CPS1: variants seen among roughly 807,000 people sequenced by gnomAD.
The protein encoded by CPS1 is carbamoyl-phosphate synthase [ammonia], mitochondrial.
In CPS1, 109 loss-of-function variants were observed where a neutral mutation model predicts 174.6. The ratio of observed to expected loss-of-function variants is 0.62; its 90% CI spans 0.53 to 0.73. The LOEUF (loss-of-function observed/expected upper bound fraction) is 0.73. Among genes scored for constraint, CPS1 ranks in the 30% least tolerant of loss-of-function variants. The pLI is 0.00. For missense variants in CPS1, 1,689 were observed against 1,821.9 expected (o/e 0.93, Z 1.33); for synonymous variants, 637 against 632.0 (o/e 1.01, Z -0.12).
chr2:210,501,403 C>T (rs1329750497), intron 1 of CPS1, among the ~76,000 whole-genome samples: 1 of 152,178 alleles, frequency 6.6e-6, no homozygotes, highest in Non-Finnish European at 1.5e-5. Flanking sequence ...TTATGCTCTG[C>T]TTCCCTTTTA....
chr2:210,590,331 A>AT (rs1163768243), intron 8 of CPS1, 97 bp downstream of exon 8: 4 of 1,556,108 alleles, frequency 2.6e-6, no homozygotes. Context: ...TTATTCAGGC[A>AT]TTTTTCAATG....
In CPS1 at chr2:210,675,001, A is replaced by T; in HGVS notation, c.4161+40A>T. ...TTTAAGTTGTTTTCTGTCAGCATGG[A>T]ATCTGTCCACAAATCAAAATATTGC... is the stretch of plus-strand genomic sequence containing the variant. On this transcript the variant is annotated intron_variant, in intron 35 of 37. Coordinates refer to ENST00000233072, the MANE Select transcript of CPS1 (RefSeq NM_001875.5). 3 of 1,470,538 alleles carry T rather than the reference A, an allele frequency of 2.0e-6. No individual in the cohort carries two copies. In the Middle Eastern group the frequency reaches 5.2e-4, roughly 255 times the overall value. The allele number at this position is 1,470,538 out of a possible 1,614,324, so 91.1% of individuals were successfully genotyped here.
At chr2:210,558,326 C>G (rs1696986595) in intron 1 of CPS1, among the ~76,000 whole-genome samples, 1 of 151,886 alleles carries the variant, frequency 6.6e-6, no homozygotes, top group East Asian at 1.9e-4. Context: ...GCACTGGGAG[C>G]AGTCACTAAA....
Position 210,608,406 on chromosome 2 carries a change from A to T in CPS1, c.2238A>T (p.Pro746=). ...FIAAKIALGI[P]LPEIKNVVSG... ...CTGCAAAGATTGCCCTAGGAATCCC[A>T]CTTCCAGAAATTAAGAACGTCGTAT... The change falls in exon 19 of 38, where the codon CCA becomes CCT. Residue 746 remains proline (P), a synonymous_variant. Transcript: ENST00000233072. The T allele has an allele frequency of 6.2e-7, 1 of 1,612,410 alleles. No individual in the cohort carries two copies. Among genetic ancestry groups the T allele is most frequent in the Non-Finnish European group, 8.5e-7 (1 of 1,178,918 alleles).
intron 21 of CPS1, among the ~76,000 whole-genome samples, chr2:210,617,205 G>A (rs527781160): frequency 1.3e-5 from 2 of 152,090 alleles, no homozygotes; most frequent in Middle Eastern, 3.4e-3. Context: ...AACTGCTGGG[G>A]CACCTTAGGC....
intron 21 of CPS1, among the ~76,000 whole-genome samples, chr2:210,632,269 G>T (rs1490815334): frequency 6.6e-6 from 1 of 152,226 alleles, no homozygotes; most frequent in Non-Finnish European, 1.5e-5. Flanking sequence ...GGCAGATAAA[G>T]ATGAGGAACA....
rs2302908 is a variant in CPS1 at position 210,639,012 on chromosome 2, C to T, written c.2830-138C>T. The T allele has an allele frequency of 0.13, 90,801 of 675,430 alleles. 12,981 individuals are homozygous for T. The highest frequency in any genetic ancestry group is 0.59 in the African/African-American group (32,679 of 55,060). The allele number at this position is 675,430 out of a possible 1,614,324, so 41.8% of individuals were successfully genotyped here. ...TTTTCAGAATTAGAAAGCAATTCCA[C>T]GGGTCATACATTTTCCTGTTTGCAT... On this transcript the variant is annotated intron_variant, in intron 22 of 37. Coordinates refer to ENST00000233072, the MANE Select transcript of CPS1 (RefSeq NM_001875.5).
At chr2:210,642,884 A>G (rs1382184858) in intron 25 of CPS1, among the ~76,000 whole-genome samples, 1 of 152,322 alleles carries the variant, frequency 6.6e-6, no homozygotes, top group East Asian at 1.9e-4. Flanking sequence ...TATTTTTCAC[A>G]TAAAGTTTTT....
chr2:210,545,422 C>G (rs547188421), intron 1 of CPS1, among the ~76,000 whole-genome samples: 4 of 151,960 alleles, frequency 2.6e-5, no homozygotes, highest in Non-Finnish European at 5.9e-5. Context: ...CATTTTTTCT[C>G]TGTGTTTTTG....
At chr2:210,567,640 C>T (rs1260713024) in intron 1 of CPS1, among the ~76,000 whole-genome samples, 1 of 152,106 alleles carries the variant, frequency 6.6e-6, no homozygotes, top group Non-Finnish European at 1.5e-5. Context: ...ATGATAGAAA[C>T]AATTCATGAG....
At chr2:210,617,242 C>T (rs978893209) in intron 21 of CPS1, among the ~76,000 whole-genome samples, 10 of 152,020 alleles carry the variant, frequency 6.6e-5, no homozygotes, top group Admixed American at 5.9e-4. Flanking sequence ...CAGTTTTAAA[C>T]ATCTATCTTC....
intron 1 of CPS1, among the ~76,000 whole-genome samples, chr2:210,487,976 G>A (rs765542008): frequency 5.3e-5 from 8 of 152,142 alleles, no homozygotes; most frequent in Admixed American, 2.0e-4. Flanking sequence ...ATGGGGATGT[G>A]TCCTAGTTCT....
At chr2:210,545,919 G>A (rs1463289755) in intron 1 of CPS1, among the ~76,000 whole-genome samples, 1 of 152,048 alleles carries the variant, frequency 6.6e-6, no homozygotes, top group Non-Finnish European at 1.5e-5. Flanking sequence ...TTTGTGAAGT[G>A]CATTAATAGG....
At chr2:210,539,787 A>T (rs999437264) in intron 1 of CPS1, among the ~76,000 whole-genome samples, 2 of 152,060 alleles carry the variant, frequency 1.3e-5, no homozygotes, top group African/African-American at 4.8e-5. Context: ...ATCTACCTGC[A>T]GTGGTTTTCT....
intron 21 of CPS1, 51 bp downstream of exon 21, chr2:210,616,592 A>G (rs2105866402): frequency 5.6e-6 from 6 of 1,068,804 alleles, no homozygotes; most frequent in Non-Finnish European, 8.8e-6. Context: ...TGCAATTTTT[A>G]AAGAGTCTTC....
At chr2:210,639,582 G>T (rs1217599985) in intron 23 of CPS1, among the ~76,000 whole-genome samples, 1 of 129,292 alleles carries the variant, frequency 7.7e-6, no homozygotes, top group Admixed American at 8.9e-5. Context: ...ACTGCAGTCC[G>T]CAGTCCGGCC....
chr2:210,668,104 G>GTGTT, intron 33 of CPS1, 82 bp from the exon 34 acceptor site: 1 of 811,292 alleles, frequency 1.2e-6, no homozygotes. Flanking sequence ...GTGTGTGTGT[G>GTGTT]TATTTTAATT....
At chr2:210,574,546 G>T (rs1477743845) in intron 2 of CPS1, among the ~76,000 whole-genome samples, 2 of 152,010 alleles carry the variant, frequency 1.3e-5, no homozygotes, top group African/African-American at 4.8e-5. Context: ...GCAAAGTTTT[G>T]CTTCACCAGG....
chr2:210,486,103 TACACACACACATACACACACAC>T (rs1310781042), intron 1 of CPS1, among the ~76,000 whole-genome samples: 10 of 103,916 alleles, frequency 9.6e-5, no homozygotes, highest in African/African-American at 3.6e-4. Context: ...CATATATATA[TACACACACACATACACACACAC>T]ACACACACAC....
Sources: gnomAD v4.1 joint callset for allele counts (sites outside exome capture counted in the v4.1 genomes callset) on GRCh38, gnomAD v4.1.1 for gene constraint, MANE v1.5 for transcripts, NCBI Gene and HGNC (gene_info 2026-07-23, HGNC 2026-07-21) for gene names.